RYR1: variants seen among roughly 807,000 people sequenced by gnomAD.
The protein encoded by RYR1 is central core disease of muscle.
A neutral mutation model predicts 583.5 loss-of-function variants in RYR1; 342 were observed. That is an observed-to-expected ratio of 0.59 (90% confidence interval 0.54 to 0.64). The LOEUF (loss-of-function observed/expected upper bound fraction) is 0.64, where lower values mean the gene tolerates loss of function less well. Among genes scored for constraint, RYR1 ranks in the 30% least tolerant of loss-of-function variants. The pLI is 0.00. For synonymous variants in RYR1, 2,791 were observed against 2,822.5 expected, an observed-to-expected ratio of 0.99 and a Z score of 0.35; for missense variants, 6,032 against 6,917.2, an observed-to-expected ratio of 0.87 and a Z score of 4.54.
Position 38,463,880 on chromosome 19 carries a change from G to A in RYR1, c.2786+30G>A, listed in dbSNP as rs374514282. ...GGGCCCAGGGGAGCCGGGGGTTGGG[G>A]CTGGCTGCTGGTGCGGTGGGGGAGG... On this transcript the variant is annotated intron_variant, in intron 22 of 105. Coordinates refer to ENST00000359596, the MANE Select transcript of RYR1 (RefSeq NM_000540.3). 8.7e-5 allele frequency: 136 copies of A among 1,561,102 alleles called. No homozygotes were observed. The South Asian group carries it at 1.3e-3, about 15-fold the overall frequency.
rs545498487 is a variant in RYR1 at position 38,438,147 on chromosome 19, G to T, written c.46-2598G>T. Among the ~76,000 whole-genome samples the T allele has an allele frequency of 8.6e-5, 13 of 151,756 alleles. No homozygotes were observed. In the South Asian group the frequency reaches 1.9e-3, roughly 22 times the overall value. ...ACCCAGACTCCCTCCTCTTACCCCA[G>T]AGATGAGCAGGCCTGATTCCTTCTT... On this transcript the variant is annotated intron_variant, in intron 1 of 105. Transcript: ENST00000359596.
chr19:38,492,894 C>A lies in RYR1; in HGVS notation c.6274+258C>A, dbSNP rs77003470. ...GACCAGCCCGGCCAACATGGTGAAA[C>A]CCCCTTCTCCACTAAAAATACAAAA... On this transcript the variant is annotated intron_variant, in intron 38 of 105. Transcript: ENST00000359596. 0.1 allele frequency among the ~76,000 whole-genome samples: 15,237 copies of A among 151,970 alleles called. 855 individuals carry two copies. The highest frequency in any genetic ancestry group is 0.19 in the South Asian group (896 of 4,810).
rs1282280761 is a variant in RYR1, at chr19:38,486,021, C to T, written c.5366C>T (p.Ala1789Val). The T allele has an allele frequency of 6.2e-7, 1 of 1,613,288 alleles. No homozygotes were observed. The highest frequency in any genetic ancestry group is 1.7e-5 in the Admixed American group (1 of 60,000). ...TGTTTCGTGGCCGCTCTGCCAGCTGCTGGGGCAGCAGAGGCCCCGGCCCGC... is the reference window on the plus strand; with the variant it reads ...TGTTTCGTGGCCGCTCTGCCAGCTGTTGGGGCAGCAGAGGCCCCGGCCCGC... ...PPCFVAALPA[A>V]GAAEAPARLS... Residue 1789 changes from alanine (A) to valine (V), a missense_variant, in exon 34 of 106, where the codon GCT (alanine) becomes GTT (valine). This residue lies in a region of RYR1 where 2,627 missense variants were observed against 2,961.3 expected (regional missense o/e 0.89). Transcript: ENST00000359596.
chr19:38,518,424 G>C (rs201023702), intron 66 of RYR1, among the ~76,000 whole-genome samples: 2 of 130,852 alleles, frequency 1.5e-5, no homozygotes, highest in Admixed American at 7.8e-5. Flanking sequence ...AAAAAAAAAA[G>C]AAATATTTGT....
intron 1 of RYR1, among the ~76,000 whole-genome samples, chr19:38,437,988 TAA>T (rs11452334): frequency 0.011 from 1,591 of 140,026 alleles, 37 homozygotes; most frequent in African/African-American, 0.04. Flanking sequence ...CCCAGTCTCT[TAA>T]AAAAAAAAAA....
At chr19:38,506,420 G>A in intron 55 of RYR1, 43 bp downstream of exon 55, 4 of 1,613,692 alleles carry the variant, frequency 2.5e-6, no homozygotes, top group South Asian at 1.1e-5. Context: ...GGTGTCTTTG[G>A]GGGGGCTGGC....
At chr19:38,506,441 TCTA>T in intron 55 of RYR1, 27 bp from the exon 56 acceptor site, 1 of 1,613,844 alleles carries the variant, frequency 6.2e-7, no homozygotes, top group Non-Finnish European at 8.5e-7. Context: ...ATCCTCTGAA[TCTA>T]GCCCTTGACT....
chr19:38,502,751 T>TGGAGC, intron 48 of RYR1, 24 bp downstream of exon 48: 1 of 1,045,444 alleles, frequency 9.6e-7, no homozygotes, highest in Non-Finnish European at 1.3e-6. Context: ...GGCTTCAGGG[T>TGGAGC]GGGGCAGGGG....
At position 38,486,209 on chromosome 19, in the gene RYR1, G is replaced by C. The variant is rs548855109; in HGVS notation, c.5547+7G>C. On this transcript the variant is annotated splice_region_variant and intron_variant, in intron 34 of 105. Transcript: ENST00000359596. ...GCTCGTGTCCACCCTGCTGGTAATG[G>C]CTTCCTCCTGCTTTCCTCTGTCCCA... 6.2e-7 allele frequency: 1 copy of C among 1,612,688 alleles called. No individual in the cohort carries two copies. The highest frequency in any genetic ancestry group is 2.2e-5 in the East Asian group (1 of 44,872).
chr19:38,496,114 C>T lies in RYR1; in HGVS notation c.6549-101C>T. On this transcript the variant is annotated intron_variant, in intron 39 of 105. Coordinates refer to ENST00000359596, the MANE Select transcript of RYR1 (RefSeq NM_000540.3). This position sits in a 1 kb window ranked among gnomAD's most constrained non-coding sequence, Gnocchi z 4.8. ...TCTGTAAAGGCGGTGGTGCTAGGCA[C>T]AGAGTGAGAGGGTCAAGAATGCCAA... 3.1e-6 allele frequency: 3 copies of T among 973,852 alleles called. No individual in the cohort carries two copies. The highest frequency in any genetic ancestry group is 3.2e-6 in the Non-Finnish European group (2 of 616,904). 60.3% of individuals were successfully genotyped at this position (973,852 alleles called of 1,614,324 possible).
In RYR1 at chr19:38,460,434, A is replaced by ATGCTCCATGCCATGAGGCTG. The variant is rs1460246826; in HGVS notation, c.2427_2446dup (p.Pro816HisfsTer75). The ATGCTCCATGCCATGAGGCTG allele has an allele frequency of 6.2e-7, 1 of 1,614,100 alleles. No homozygotes were observed. Among genetic ancestry groups the ATGCTCCATGCCATGAGGCTG allele is most frequent in the Non-Finnish European group, 8.5e-7 (1 of 1,180,016 alleles). ...TTCAAGTTCCTGCCCCCACCTGGCT[A>ATGCTCCATGCCATGAGGCTG]TGCTCCATGCCATGAGGCTGTGCTC... On this transcript the variant is annotated frameshift_variant, in exon 20 of 106. Transcript: ENST00000359596. LOFTEE classifies it high-confidence loss of function.
At chr19:38,523,411 G>A (rs933676070) in intron 69 of RYR1, 102 bp downstream of exon 69, 11 of 1,329,512 alleles carry the variant, frequency 8.3e-6, no homozygotes, top group South Asian at 2.4e-5. Flanking sequence ...CGTCCTGGGC[G>A]CAATCCCTGC....
chr19:38,442,501 G>A (rs1218651458), intron 3 of RYR1, 48 bp downstream of exon 3: 9 of 1,427,766 alleles, frequency 6.3e-6, no homozygotes, highest in Non-Finnish European at 8.9e-6. Flanking sequence ...ATGGGCGAGA[G>A]GACCCAGGGG....
At position 38,575,905 on chromosome 19, in the gene RYR1, C is replaced by T; in HGVS notation, c.14130-14C>T. The T allele has an allele frequency of 6.2e-7, 1 of 1,614,032 alleles. No individual in the cohort carries two copies. The highest frequency in any genetic ancestry group is 8.5e-7 in the Non-Finnish European group (1 of 1,179,874). ...AACATCTTATACTCACGCTTTCTCT[C>T]TCTCTCTCTGCAGGTCTTTCCCTAG... On this transcript the variant is annotated splice_polypyrimidine_tract_variant and intron_variant, in intron 96 of 105. Transcript: ENST00000359596.
At chr19:38,527,897 G>A (rs972247620) in intron 73 of RYR1, 113 bp downstream of exon 73, 1 of 1,285,866 alleles carries the variant, frequency 7.8e-7, no homozygotes. Flanking sequence ...TTTGGGGCAG[G>A]GCAGGAGGTG....
chr19:38,554,408 G>A lies in RYR1; in HGVS notation c.12282+5988G>A, dbSNP rs1025100177. 9.4e-5 allele frequency among the ~76,000 whole-genome samples: 14 copies of A among 149,170 alleles called. No individual in the cohort carries two copies. In the East Asian group the frequency reaches 1.8e-3, roughly 19 times the overall value. On this transcript the variant is annotated intron_variant, in intron 89 of 105. Transcript: ENST00000359596. ...AGAGGTTGCAGTGAGCTGAGATTGC[G>A]CCACTGCACTCCTGCCTGGGCGACA... is the stretch of plus-strand genomic sequence containing the variant.
Position 38,565,118 on chromosome 19 carries a change from G to A in RYR1, c.12784G>A (p.Asp4262Asn). 6.5e-7 allele frequency: 1 copy of A among 1,539,244 alleles called. No individual in the cohort carries two copies. Among genetic ancestry groups the A allele is most frequent in the Non-Finnish European group, 8.7e-7 (1 of 1,146,370 alleles). The change falls in exon 91 of 106, where the codon GAC (aspartate) becomes AAC (asparagine). Residue 4262 changes from aspartate (D) to asparagine (N), a missense_variant. Asp to Asn is a conservative substitution (Grantham distance 23, BLOSUM62 1). This residue lies in a region of RYR1 where 753 missense variants were observed against 759.6 expected (regional missense o/e 0.99). Coordinates refer to ENST00000359596, the MANE Select transcript of RYR1 (RefSeq NM_000540.3). The surrounding 1 kb of genome is among the most constrained non-coding windows in gnomAD (Gnocchi z 4.7). Reference sequence around the variant, plus strand: ...CGAGGGCGAGCCGGAGACCGACGAGGACGAGGGCGCGGGCGCGGCGGAGGC... The same window carrying A: ...CGAGGGCGAGCCGGAGACCGACGAGAACGAGGGCGCGGGCGCGGCGGAGGC... ...EPEGEPETDE[D>N]EGAGAAEAGA...
Position 38,469,053 on chromosome 19 carries a change from A to G in RYR1, c.3469A>G (p.Asn1157Asp), listed in dbSNP as rs755445119. 1.2e-6 allele frequency: 2 copies of G among 1,613,990 alleles called. No homozygotes were observed. Among genetic ancestry groups the G allele is most frequent in the Admixed American group, 1.7e-5 (1 of 59,992 alleles). ...VVGCMIDLTENTIIFTLNGEV... is the reference protein window; with the variant it reads ...VVGCMIDLTEDTIIFTLNGEV... The stretch of plus-strand genomic sequence containing the variant: ...TGGCTGTATGATCGACCTCACAGAG[A>G]ACACCATTATCTTCACCCTCAATGG... The change falls in exon 26 of 106, where the codon AAC (asparagine) becomes GAC (aspartate). Residue 1157 changes from asparagine (N) to aspartate (D), a missense_variant. Physicochemically the swap from Asn to Asp is conservative, Grantham distance 23. This residue lies in a region of RYR1 where 2,627 missense variants were observed against 2,961.3 expected (regional missense o/e 0.89). Transcript: ENST00000359596.
At chr19:38,457,400 G>T in intron 16 of RYR1, 97 bp from the exon 17 acceptor site, 2 of 1,557,938 alleles carry the variant, frequency 1.3e-6, no homozygotes, top group Non-Finnish European at 1.8e-6. Context: ...ATCCCGATGC[G>T]CTGTCCTTTC....
Sources: gnomAD v4.1 joint callset for allele counts (sites outside exome capture counted in the v4.1 genomes callset) on GRCh38, gnomAD v4.1.1 for gene constraint, gnomAD v4.1.1 regional missense constraint, Gnocchi (gnomAD v3.1) non-coding constraint, MANE v1.5 for transcripts, NCBI Gene and HGNC (gene_info 2026-07-23, HGNC 2026-07-21) for gene names.